The following EPHB1 variants were observed in gnomAD, a reference collection of about 807,000 sequenced individuals.
EPHB1 encodes the protein ephrin type-B receptor 1.
Under a neutral mutation model 94.4 loss-of-function variants are expected in EPHB1, and 30 were observed. The ratio of observed to expected loss-of-function variants is 0.32; its 90% CI spans 0.24 to 0.43. The LOEUF (loss-of-function observed/expected upper bound fraction) is 0.43, where lower values mean the gene tolerates loss of function less well. Ranked by LOEUF, EPHB1 falls within the 20% of genes least tolerant of loss-of-function variation. The pLI, the probability that EPHB1 is intolerant of heterozygous loss-of-function variation, is 1.00. For missense variants in EPHB1, 1,055 were observed against 1,308.3 expected, an observed-to-expected ratio of 0.81 and a Z score of 2.99; for synonymous variants, 522 against 489.1, an observed-to-expected ratio of 1.07 and a Z score of -0.89.
At chr3:134,802,159 G>A (rs1175374889) in intron 1 of EPHB1, among the ~76,000 whole-genome samples, 1 of 151,502 alleles carries the variant, frequency 6.6e-6, no homozygotes, top group African/African-American at 2.4e-5. Context: ...CTGACAGGCC[G>A]GGCGCGGTGG....
chr3:134,920,269 T>A (rs2038657403), intron 1 of EPHB1, among the ~76,000 whole-genome samples: 2 of 152,216 alleles, frequency 1.3e-5, no homozygotes, highest in South Asian at 2.1e-4. Context: ...CTTGCAAGGA[T>A]CCTCTGCGGA....
At chr3:135,214,034 G>A (rs965072923) in intron 12 of EPHB1, among the ~76,000 whole-genome samples, 10 of 151,944 alleles carry the variant, frequency 6.6e-5, no homozygotes, top group African/African-American at 2.2e-4. Flanking sequence ...TCAAACTCCC[G>A]GTTCCTCTCA....
chr3:135,243,106 A>C (rs914043669), intron 13 of EPHB1, among the ~76,000 whole-genome samples: 14 of 151,300 alleles, frequency 9.3e-5, no homozygotes, highest in African/African-American at 3.4e-4. Flanking sequence ...AAAAGAAAAG[A>C]AAAGAAAAAT....
At chr3:134,983,297 C>T (rs1477871043) in intron 3 of EPHB1, among the ~76,000 whole-genome samples, 1 of 152,210 alleles carries the variant, frequency 6.6e-6, no homozygotes, top group African/African-American at 2.4e-5. Flanking sequence ...AACTTTCATC[C>T]TGGAGATAAT....
At chr3:134,914,535 G>A (rs969925644) in intron 1 of EPHB1, among the ~76,000 whole-genome samples, 1 of 152,194 alleles carries the variant, frequency 6.6e-6, no homozygotes, top group Non-Finnish European at 1.5e-5. Context: ...ACACTGGCAT[G>A]TAGCTGCCTC....
chr3:134,925,964 G>A (rs1242845908), intron 2 of EPHB1, 84 bp downstream of exon 2: 1 of 1,232,900 alleles, frequency 8.1e-7, no homozygotes, highest in East Asian at 2.6e-5. Context: ...ACTACCCAGA[G>A]CAGTACCTGT....
At chr3:135,244,124 C>G (rs1943863029) in intron 13 of EPHB1, among the ~76,000 whole-genome samples, 1 of 152,192 alleles carries the variant, frequency 6.6e-6, no homozygotes, top group Non-Finnish European at 1.5e-5. Context: ...TCCACCCAGT[C>G]CCAGAGAGCA....
chr3:135,061,721 A>G (rs1239364187), intron 3 of EPHB1, among the ~76,000 whole-genome samples: 3 of 151,998 alleles, frequency 2.0e-5, no homozygotes, highest in Non-Finnish European at 4.4e-5. Flanking sequence ...AACATTAGGT[A>G]TATCTCCTAA....
intron 3 of EPHB1, among the ~76,000 whole-genome samples, chr3:135,063,681 T>C (rs1035698524): frequency 6.6e-6 from 1 of 152,198 alleles, no homozygotes; most frequent in Non-Finnish European, 1.5e-5. Context: ...TGCTTTTTAT[T>C]TCTTTCTCTT....
At chr3:135,097,396 G>C (rs1938843660) in intron 3 of EPHB1, among the ~76,000 whole-genome samples, 1 of 152,042 alleles carries the variant, frequency 6.6e-6, no homozygotes, top group Admixed American at 6.6e-5. Flanking sequence ...ACAGGACCCT[G>C]GCTCTGAAGG....
intron 3 of EPHB1, among the ~76,000 whole-genome samples, chr3:134,993,841 A>G (rs1576301362): frequency 6.6e-6 from 1 of 152,102 alleles, no homozygotes; most frequent in East Asian, 1.9e-4. Flanking sequence ...CAGGGTTTCT[A>G]CCTCTGTGTT....
intron 3 of EPHB1, among the ~76,000 whole-genome samples, chr3:134,993,558 C>T (rs1934890050): frequency 6.6e-6 from 1 of 152,110 alleles, no homozygotes; most frequent in Non-Finnish European, 1.5e-5. Context: ...CTGCACTGGC[C>T]CCAGTACAAG....
chr3:134,824,947 C>A (rs1232285846), intron 1 of EPHB1, among the ~76,000 whole-genome samples: 1 of 152,186 alleles, frequency 6.6e-6, no homozygotes, highest in African/African-American at 2.4e-5. Flanking sequence ...CTGACTGCAA[C>A]CTCCTGAGCC....
intron 1 of EPHB1, among the ~76,000 whole-genome samples, chr3:134,907,986 T>C (rs1006123952): frequency 6.6e-6 from 1 of 152,154 alleles, no homozygotes; most frequent in Non-Finnish European, 1.5e-5. Flanking sequence ...TTTCCAAGCT[T>C]CCTCCTTTGA....
chr3:135,037,276 A>G (rs767296666), intron 3 of EPHB1, among the ~76,000 whole-genome samples: 1 of 152,226 alleles, frequency 6.6e-6, no homozygotes, highest in Non-Finnish European at 1.5e-5. Context: ...CAGGAAGAAT[A>G]CTGGGATCAG....
chr3:134,796,258 G>A lies in EPHB1; in HGVS notation c.58+569G>A, dbSNP rs558291560. ...CGCAAGTGGCCGCCGAAGGAGAGGG[G>A]TGGAGTTCATTGGCCGTACCCTTGG... On this transcript the variant is annotated intron_variant, in intron 1 of 15. Transcript: ENST00000398015. The A allele has an allele frequency of 1.1e-3, 174 of 164,012 alleles. 2 individuals carry two copies. Among genetic ancestry groups the A allele is most frequent in the Middle Eastern group, 2.8e-3 (1 of 354 alleles). 10.2% of individuals were successfully genotyped at this position (164,012 alleles called of 1,614,324 possible).
At chr3:134,935,948 A>G (rs1418668603) in intron 2 of EPHB1, among the ~76,000 whole-genome samples, 1 of 152,204 alleles carries the variant, frequency 6.6e-6, no homozygotes, top group Non-Finnish European at 1.5e-5. Context: ...GGAAGGTGGC[A>G]TCTCTCCCAT....
At chr3:135,027,291 C>T (rs1465199483) in intron 3 of EPHB1, among the ~76,000 whole-genome samples, 10 of 151,306 alleles carry the variant, frequency 6.6e-5, no homozygotes, top group Non-Finnish European at 8.8e-5. Flanking sequence ...CTGTCTTGTG[C>T]CAGTTTTCAA....
chr3:135,220,664 T>C (rs1943255662), intron 12 of EPHB1, among the ~76,000 whole-genome samples: 1 of 151,382 alleles, frequency 6.6e-6, no homozygotes, highest in African/African-American at 2.4e-5. Context: ...CCTTTCTTTA[T>C]TCCCTGTGGC....
Sources: allele counts gnomAD v4.1 joint callset (sites outside exome capture counted in the v4.1 genomes callset), GRCh38; gene constraint gnomAD v4.1.1; transcripts MANE v1.5; gene names NCBI Gene and HGNC (gene_info 2026-07-23, HGNC 2026-07-21).